EPC1: variants seen among roughly 807,000 people sequenced by gnomAD.
The protein encoded by EPC1 is enhancer of polycomb 1, also known as enhancer of polycomb homolog 1.
A neutral mutation model predicts 98.4 loss-of-function variants in EPC1; 12 were observed. The observed-to-expected ratio is 0.12, with a 90% confidence interval of 0.08 to 0.20. The LOEUF is 0.20. EPC1 is among the 10% of genes least tolerant of loss of function. The pLI is 1.00. For synonymous variants in EPC1, 357 were observed against 363.9 expected (o/e 0.98, Z 0.21); for missense variants, 729 against 990.5 (o/e 0.74, Z 3.54).
chr10:32,292,708 A>G (rs1834923293), intron 4 of EPC1, 64 bp from the exon 5 acceptor site: 3 of 1,470,168 alleles, frequency 2.0e-6, no homozygotes, highest in Non-Finnish European at 2.7e-6. Context: ...ATAGTTATTG[A>G]CCCATAAAAT....
intron 1 of EPC1, among the ~76,000 whole-genome samples, chr10:32,314,414 T>C (rs960392451): frequency 2.0e-5 from 3 of 152,220 alleles, no homozygotes; most frequent in Non-Finnish European, 4.4e-5. Context: ...TACTTCAGCC[T>C]GCCTAGTGCA....
chr10:32,295,803 G>A (rs986751875), intron 2 of EPC1, among the ~76,000 whole-genome samples: 1 of 152,112 alleles, frequency 6.6e-6, no homozygotes, highest in South Asian at 2.1e-4. Context: ...TGTGGCTAGT[G>A]TTGTATTAGC....
At chr10:32,338,918 A>G (rs901189050) in intron 1 of EPC1, among the ~76,000 whole-genome samples, 1 of 150,470 alleles carries the variant, frequency 6.6e-6, no homozygotes, top group Non-Finnish European at 1.5e-5. Flanking sequence ...AGCCTGGGCA[A>G]CAGAGGGAGA....
intron 10 of EPC1, chr10:32,284,322 T>C (rs1250248940): frequency 5.8e-6 from 1 of 173,120 alleles, no homozygotes; most frequent in Non-Finnish European, 1.2e-5. Flanking sequence ...CTGGTCTCTA[T>C]GTTAAAGCAA....
intron 1 of EPC1, among the ~76,000 whole-genome samples, chr10:32,370,517 AG>A (rs1564570157): frequency 6.6e-6 from 1 of 152,232 alleles, no homozygotes; most frequent in Non-Finnish European, 1.5e-5. Flanking sequence ...TTTTTAGGGT[AG>A]GGCATAGACA....
chr10:32,355,043 T>C (rs1385564313), intron 1 of EPC1, among the ~76,000 whole-genome samples: 1 of 152,182 alleles, frequency 6.6e-6, no homozygotes, highest in African/African-American at 2.4e-5. Flanking sequence ...AGAAAGAAAG[T>C]GCACAATAAA....
chr10:32,296,884 G>A (rs1835200180), intron 2 of EPC1, among the ~76,000 whole-genome samples: 1 of 151,106 alleles, frequency 6.6e-6, no homozygotes, highest in Non-Finnish European at 1.5e-5. Context: ...TCTAGCCTGG[G>A]CGACAGAGCA....
chr10:32,269,539 C>T (rs1835737964), intron 13 of EPC1: 1 of 164,332 alleles, frequency 6.1e-6, no homozygotes, highest in African/African-American at 2.4e-5. Context: ...AGTGGCACAG[C>T]CACAGAGCTC....
intron 2 of EPC1, among the ~76,000 whole-genome samples, chr10:32,304,146 G>C (rs1009504681): frequency 2.0e-5 from 3 of 152,024 alleles, no homozygotes; most frequent in Non-Finnish European, 4.4e-5. Flanking sequence ...AGTACCTTTT[G>C]ACTTTACTGA....
At chr10:32,275,873 G>GT (rs1378248577) in intron 10 of EPC1, among the ~76,000 whole-genome samples, 1 of 151,904 alleles carries the variant, frequency 6.6e-6, no homozygotes, top group Non-Finnish European at 1.5e-5. Flanking sequence ...GGAGGTGGAG[G>GT]TTGCAGTTAG....
intron 5 of EPC1, 27 bp downstream of exon 5, chr10:32,292,469 C>A: frequency 6.7e-7 from 1 of 1,499,690 alleles, no homozygotes; most frequent in South Asian, 1.3e-5. Flanking sequence ...ACTATACTTC[C>A]TCTAACATTA....
At chr10:32,323,475 T>C (rs1256162917) in intron 1 of EPC1, among the ~76,000 whole-genome samples, 2 of 152,232 alleles carry the variant, frequency 1.3e-5, no homozygotes, top group Non-Finnish European at 1.5e-5. Context: ...TTCTTCTATA[T>C]TGTATAACAT....
chr10:32,319,680 A>G (rs1180590695), intron 1 of EPC1, among the ~76,000 whole-genome samples: 1 of 152,112 alleles, frequency 6.6e-6, no homozygotes, highest in Non-Finnish European at 1.5e-5. Flanking sequence ...GAAAAGATGT[A>G]TATTTTTTTC....
chr10:32,328,354 T>A (rs948666362), intron 1 of EPC1, among the ~76,000 whole-genome samples: 1 of 152,130 alleles, frequency 6.6e-6, no homozygotes, highest in African/African-American at 2.4e-5. Context: ...AAGACATACA[T>A]CTGGTAAAGA....
chr10:32,333,178 T>G (rs1487274881), intron 1 of EPC1, among the ~76,000 whole-genome samples: 3 of 152,124 alleles, frequency 2.0e-5, no homozygotes, highest in African/African-American at 7.2e-5. Flanking sequence ...CCGTCTCTAC[T>G]AAAAATACAA....
chr10:32,309,378 C>T (rs901998582), intron 1 of EPC1, among the ~76,000 whole-genome samples: 1 of 151,986 alleles, frequency 6.6e-6, no homozygotes, highest in Admixed American at 6.6e-5. Flanking sequence ...CCTATCAAAA[C>T]ATCACATGTA....
chr10:32,293,256 C>T, intron 3 of EPC1, 62 bp from the exon 4 acceptor site: 1 of 1,266,038 alleles, frequency 7.9e-7, no homozygotes, highest in South Asian at 1.4e-5. Flanking sequence ...TAAGTATTTA[C>T]TTCTAAATTT....
intron 1 of EPC1, among the ~76,000 whole-genome samples, chr10:32,356,295 A>G (rs1458397952): frequency 6.6e-6 from 1 of 152,196 alleles, no homozygotes. Flanking sequence ...CACCTTGAGT[A>G]ACATTGTGCC....
Position 32,292,574 on chromosome 10 carries a change from G to C in EPC1, c.737C>G (p.Thr246Ser). Residue 246 changes from threonine to serine, a missense_variant, in exon 5 of 14, where the codon ACT (threonine) becomes AGT (serine). By Grantham distance (58) the Thr-to-Ser change is moderately conservative. Coordinates refer to ENST00000319778, the MANE Select transcript of EPC1 (RefSeq NM_001272004.3). ...TCTTCTTTTTATCATCTCTAGAATAGTAACAGCTCGACTTAGATCTCGTCG... is the reference window on the plus strand; with the variant it reads ...TCTTCTTTTTATCATCTCTAGAATACTAACAGCTCGACTTAGATCTCGTCG... ...KLRRDLSRAV[T>S]ILEMIKRREK... is the part of the protein sequence containing the mutation. 6.2e-7 allele frequency: 1 copy of C among 1,608,646 alleles called. No homozygotes were observed. The highest frequency in any genetic ancestry group is 8.5e-7 in the Non-Finnish European group (1 of 1,178,566).
Sources: gnomAD v4.1 joint callset for allele counts (sites outside exome capture counted in the v4.1 genomes callset) on GRCh38, gnomAD v4.1.1 for gene constraint, MANE v1.5 for transcripts, NCBI Gene and HGNC (gene_info 2026-07-23, HGNC 2026-07-21) for gene names.